UTRN: variants seen among roughly 807,000 people sequenced by gnomAD.
The protein encoded by UTRN is dystrophin-related protein 1.
Under a neutral mutation model 463.9 loss-of-function variants are expected in UTRN, and 283 were observed. That is an observed-to-expected ratio of 0.61 (90% CI 0.55 to 0.67). UTRN has a LOEUF of 0.67. Among genes scored for constraint, UTRN ranks in the 30% least tolerant of loss-of-function variants. The pLI is 0.00. For missense variants in UTRN, 3,922 were observed against 4,084.3 expected (o/e 0.96, Z 1.08); for synonymous variants, 1,442 against 1,431.5 (o/e 1.01, Z -0.17).
At chr6:144,417,346 C>T (rs1391541443) in intron 3 of UTRN, among the ~76,000 whole-genome samples, 1 of 152,146 alleles carries the variant, frequency 6.6e-6, no homozygotes, top group Non-Finnish European at 1.5e-5. Flanking sequence ...AGATTTAGAG[C>T]CAGATTTTGT....
intron 53 of UTRN, among the ~76,000 whole-genome samples, chr6:144,724,586 T>TC (rs1197016516): frequency 6.7e-6 from 1 of 150,248 alleles, no homozygotes; most frequent in Non-Finnish European, 1.5e-5. Context: ...CTCCTATCCC[T>TC]CCCCTCCCTC....
intron 34 of UTRN, among the ~76,000 whole-genome samples, chr6:144,507,092 G>A (rs1327077575): frequency 2.0e-5 from 3 of 151,662 alleles, no homozygotes; most frequent in Non-Finnish European, 2.9e-5. Context: ...TGAAGTTTTC[G>A]TGCTGTGTTT....
rs1791367255 is a variant in UTRN, at chr6:144,751,300, G to A, written c.8209-506G>A. ...CAGAGTAAACTGCATATAATAGAAA[G>A]CATGAAAGGAAATACATAATCATTT... On this transcript the variant is annotated intron_variant, in intron 55 of 74. Transcript: ENST00000367545. Among the ~76,000 whole-genome samples, 2 of 152,120 alleles carry A rather than the reference G, an allele frequency of 1.3e-5. 1 individual carries two copies. The highest frequency in any genetic ancestry group is 4.1e-4 in the South Asian group (2 of 4,834).
intron 51 of UTRN, among the ~76,000 whole-genome samples, chr6:144,614,432 T>C (rs1374026422): frequency 2.0e-5 from 3 of 152,140 alleles, no homozygotes; most frequent in Admixed American, 2.0e-4. Flanking sequence ...AGTGAGTTTT[T>C]GAACCTAACC....
intron 51 of UTRN, among the ~76,000 whole-genome samples, chr6:144,637,036 T>C (rs1479659426): frequency 6.6e-6 from 1 of 152,234 alleles, no homozygotes; most frequent in Non-Finnish European, 1.5e-5. Flanking sequence ...TGATGTGATC[T>C]TGGCTCACTG....
chr6:144,462,105 A>G (rs1789479902), intron 22 of UTRN, among the ~76,000 whole-genome samples: 1 of 151,784 alleles, frequency 6.6e-6, no homozygotes, highest in African/African-American at 2.4e-5. Context: ...TTTCCCCACC[A>G]TGTGTCCGTA....
In UTRN at chr6:144,736,377, G is replaced by A. The variant is rs964701423; in HGVS notation, c.7939+5891G>A. On this transcript the variant is annotated intron_variant, in intron 54 of 74. Coordinates refer to ENST00000367545, the MANE Select transcript of UTRN (RefSeq NM_007124.3). ...CCATGCTATAAGGACATACCAAGAT[G>A]GAGTCACCTCTTTTCTTTTAGGTAA... Among the ~76,000 whole-genome samples, 9 of 152,088 alleles carry A rather than the reference G, an allele frequency of 5.9e-5. No individual in the cohort carries two copies. In the South Asian group the frequency reaches 1.7e-3, roughly 28 times the overall value.
chr6:144,461,334 GA>G lies in UTRN; in HGVS notation c.2852del (p.Lys951ArgfsTer32). 19 of 1,557,962 alleles carry G rather than the reference GA, an allele frequency of 1.2e-5. No homozygotes were observed. The highest frequency in any genetic ancestry group is 3.7e-5 in the South Asian group (3 of 80,086). On this transcript the variant is annotated frameshift_variant, in exon 22 of 75. Transcript: ENST00000367545. LOFTEE classifies it high-confidence loss of function. ...DLAKVEKALQEKKTLDEILEN... is the reference protein window; with the variant it reads ...DLAKVEKALQXKKTLDEILEN... ...TGCCAAGGTGGAGAAGGCCCTGCAA[GA>G]AAAAAAGGTAACATATATCTTCCAT...
chr6:144,849,983 G>T (rs920412811), intron 74 of UTRN, among the ~76,000 whole-genome samples: 10 of 152,122 alleles, frequency 6.6e-5, no homozygotes, highest in Non-Finnish European at 1.3e-4. Flanking sequence ...TATTACAATT[G>T]AATGAGGCTG....
intron 69 of UTRN, 86 bp downstream of exon 69, chr6:144,828,941 T>C: frequency 6.9e-7 from 1 of 1,446,036 alleles, no homozygotes; most frequent in Non-Finnish European, 9.6e-7. Flanking sequence ...GATGTGGCTC[T>C]GAATCTTGAT....
chr6:144,308,660 A>G (rs1175398862), intron 2 of UTRN, among the ~76,000 whole-genome samples: 2 of 152,062 alleles, frequency 1.3e-5, no homozygotes, highest in African/African-American at 4.8e-5. Context: ...CTTCAATACC[A>G]CATCTATCCT....
intron 7 of UTRN, among the ~76,000 whole-genome samples, chr6:144,428,524 A>G (rs1284464254): frequency 6.7e-6 from 1 of 149,586 alleles, no homozygotes; most frequent in Non-Finnish European, 1.5e-5. Context: ...TACTACTTCT[A>G]GTCTTAATGG....
chr6:144,509,486 C>G (rs1794995495), intron 34 of UTRN, among the ~76,000 whole-genome samples: 1 of 151,814 alleles, frequency 6.6e-6, no homozygotes, highest in Admixed American at 6.6e-5. Context: ...ACAATATGCT[C>G]TTAAGTTTCC....
At chr6:144,673,399 T>C (rs1412141169) in intron 51 of UTRN, among the ~76,000 whole-genome samples, 1 of 152,130 alleles carries the variant, frequency 6.6e-6, no homozygotes, top group African/African-American at 2.4e-5. Flanking sequence ...TTATATAATA[T>C]CCTTTCTTGT....
intron 61 of UTRN, among the ~76,000 whole-genome samples, chr6:144,784,204 G>A (rs1049875012): frequency 4.6e-5 from 7 of 152,182 alleles, no homozygotes; most frequent in African/African-American, 1.7e-4. Flanking sequence ...CTGGAGAAGA[G>A]GTTCAGTTGC....
intron 40 of UTRN, among the ~76,000 whole-genome samples, chr6:144,522,443 C>G (rs1796189414): frequency 6.6e-6 from 1 of 152,032 alleles, no homozygotes; most frequent in African/African-American, 2.4e-5. Context: ...AGACATAGAC[C>G]ACCTTCCTGT....
Position 144,639,046 on chromosome 6 carries a change from G to A in UTRN, c.7480-39360G>A, listed in dbSNP as rs183336018. On this transcript the variant is annotated intron_variant, in intron 51 of 74. Transcript: ENST00000367545. ...ATCTTGCCACTGCACTCCAGCCTAA[G>A]GGACAGAATGAGACTTTGTTTCTAA... 4.7e-3 allele frequency among the ~76,000 whole-genome samples: 718 copies of A among 152,140 alleles called. 7 individuals carry two copies. Among genetic ancestry groups the A allele is most frequent in the Non-Finnish European group, 7.7e-3 (522 of 68,000 alleles).
At chr6:144,650,278 G>A (rs1356645386) in intron 51 of UTRN, among the ~76,000 whole-genome samples, 1 of 152,162 alleles carries the variant, frequency 6.6e-6, no homozygotes, top group African/African-American at 2.4e-5. Flanking sequence ...TACAGTTCAA[G>A]TTGACATTTG....
At chr6:144,585,682 A>G (rs544081811) in intron 51 of UTRN, among the ~76,000 whole-genome samples, 1 of 152,268 alleles carries the variant, frequency 6.6e-6, no homozygotes, top group South Asian at 2.1e-4. Context: ...ATTGTATTTT[A>G]ATTATCAATA....
Sources: allele counts gnomAD v4.1 joint callset (sites outside exome capture counted in the v4.1 genomes callset), GRCh38; gene constraint gnomAD v4.1.1; transcripts MANE v1.5; gene names NCBI Gene and HGNC (gene_info 2026-07-23, HGNC 2026-07-21).